The following ACTR3C variants were observed in gnomAD, a reference collection of about 807,000 sequenced individuals.
ACTR3C encodes the protein actin-related protein 3C.
In ACTR3C, 18 loss-of-function variants were observed where a neutral mutation model predicts 26.3. That is an observed-to-expected ratio of 0.68 (90% CI 0.47 to 1.01). The LOEUF (loss-of-function observed/expected upper bound fraction) is 1.01. Among genes scored for constraint, ACTR3C ranks in the 50% least tolerant of loss-of-function variants. ACTR3C has a pLI of 0.00. For synonymous variants in ACTR3C, 55 were observed against 94.5 expected (o/e 0.58, Z 2.42); for missense variants, 184 against 250.7 (o/e 0.73, Z 1.80).
chr7:150,188,371 A>AC, the ACTR3C span, among the ~76,000 whole-genome samples: 2 of 151,488 alleles, frequency 1.3e-5, no homozygotes. Flanking sequence ...GTAGGTGAAG[A>AC]CTTCAGTTGT....
intron 1 of ACTR3C, among the ~76,000 whole-genome samples, chr7:150,320,021 C>A (rs1348287378): frequency 2.0e-5 from 3 of 152,204 alleles, no homozygotes; most frequent in African/African-American, 7.2e-5. Flanking sequence ...GGTCTTTTGC[C>A]CTCTTTTGAG....
At chr7:150,203,855 C>T in the ACTR3C span, among the ~76,000 whole-genome samples, 2 of 152,186 alleles carry the variant, frequency 1.3e-5, no homozygotes, top group African/African-American at 4.8e-5. Context: ...GCATGAGCCA[C>T]CACACCACAC....
At chr7:150,038,810 C>A in the ACTR3C span, among the ~76,000 whole-genome samples, 1 of 141,366 alleles carries the variant, frequency 7.1e-6, no homozygotes, top group Non-Finnish European at 1.5e-5. Context: ...GGGGGTGCCT[C>A]CCCCCTCTGC....
chr7:150,229,114 C>T, the ACTR3C span, among the ~76,000 whole-genome samples: 5,445 of 152,092 alleles, frequency 0.036, 323 homozygotes, highest in African/African-American at 0.12. Context: ...GATAGACAGT[C>T]GTGTTATCTG....
the ACTR3C span, among the ~76,000 whole-genome samples, chr7:149,904,117 C>T: frequency 7.1e-6 from 1 of 140,862 alleles, no homozygotes; most frequent in Non-Finnish European, 1.6e-5. Context: ...GACAAGGTTT[C>T]ACCATGTTGG....
At chr7:150,203,310 A>G in the ACTR3C span, among the ~76,000 whole-genome samples, 1 of 152,252 alleles carries the variant, frequency 6.6e-6, no homozygotes, top group East Asian at 1.9e-4. Context: ...TTCCATAAGC[A>G]TGAGCACACA....
chr7:150,184,541 A>C, the ACTR3C span, among the ~76,000 whole-genome samples: 1 of 150,032 alleles, frequency 6.7e-6, no homozygotes, highest in Non-Finnish European at 1.5e-5. Flanking sequence ...AAACACTCAC[A>C]CCGCTAATGG....
At chr7:150,084,843 G>C in the ACTR3C span, among the ~76,000 whole-genome samples, 6 of 152,148 alleles carry the variant, frequency 3.9e-5, no homozygotes, top group Non-Finnish European at 7.4e-5. Flanking sequence ...GGGAGTGGAA[G>C]CAGGGACCTC....
intron 6 of ACTR3C, among the ~76,000 whole-genome samples, chr7:150,249,903 A>G (rs1242588296): frequency 2.6e-5 from 4 of 152,244 alleles, no homozygotes; most frequent in African/African-American, 7.2e-5. Flanking sequence ...AGGAAGGGTG[A>G]TCCTCCACTT....
chr7:149,920,820 G>A, the ACTR3C span, among the ~76,000 whole-genome samples: 145,800 of 151,720 alleles, frequency 0.96, 70,246 homozygotes, highest in East Asian at 1. Context: ...AGGCTGAAGT[G>A]CAATGTCATG....
the ACTR3C span, among the ~76,000 whole-genome samples, chr7:150,023,783 T>C: frequency 6.8e-6 from 1 of 147,378 alleles, no homozygotes; most frequent in Non-Finnish European, 1.5e-5. Flanking sequence ...TAAAGGTAAG[T>C]ATGGAAAAGT....
the ACTR3C span, among the ~76,000 whole-genome samples, chr7:150,093,323 A>G: frequency 3.3e-4 from 50 of 151,380 alleles, 3 homozygotes; most frequent in African/African-American, 1.1e-3. Flanking sequence ...TTTCAAGAAC[A>G]ACAAACTTTG....
chr7:150,052,370 TAC>T, the ACTR3C span, among the ~76,000 whole-genome samples: 13 of 152,136 alleles, frequency 8.5e-5, no homozygotes, highest in East Asian at 7.8e-4. Flanking sequence ...CACACACACA[TAC>T]ACACACACAC....
At chr7:150,182,919 C>G in the ACTR3C span, among the ~76,000 whole-genome samples, 1 of 150,914 alleles carries the variant, frequency 6.6e-6, no homozygotes. Context: ...ATCTTTTTAA[C>G]TATCATGTGA....
chr7:150,180,180 C>CTGTA, the ACTR3C span, among the ~76,000 whole-genome samples: 1 of 150,006 alleles, frequency 6.7e-6, no homozygotes, highest in Admixed American at 6.6e-5. Context: ...TCGTGGGCAC[C>CTGTA]TGTAGTCCCA....
At chr7:150,104,919 CCT>C in the ACTR3C span, among the ~76,000 whole-genome samples, 2 of 151,754 alleles carry the variant, frequency 1.3e-5, no homozygotes, top group Non-Finnish European at 2.9e-5. Context: ...GCTTTTATTC[CCT>C]CTCAGAATTA....
chr7:150,008,316 T>G, the ACTR3C span, among the ~76,000 whole-genome samples: 1 of 152,224 alleles, frequency 6.6e-6, no homozygotes, highest in African/African-American at 2.4e-5. Flanking sequence ...GCTCTGTGAC[T>G]TCCGGGCTGG....
the ACTR3C span, among the ~76,000 whole-genome samples, chr7:150,144,506 T>C: frequency 1.3e-5 from 2 of 152,006 alleles, no homozygotes; most frequent in Non-Finnish European, 2.9e-5. This position sits in a 1 kb window ranked among gnomAD's most constrained non-coding sequence, Gnocchi z 4.6. Context: ...ATGTAAACAA[T>C]TGAATAATAT....
chr7:150,290,342 G>A (rs1027092626), intron 3 of ACTR3C, among the ~76,000 whole-genome samples: 1 of 152,210 alleles, frequency 6.6e-6, no homozygotes, highest in East Asian at 1.9e-4. Flanking sequence ...GCAATGATGG[G>A]CCCAAAGCTC....
Sources: gnomAD v4.1 joint callset for allele counts (sites outside exome capture counted in the v4.1 genomes callset) on GRCh38, gnomAD v4.1.1 for gene constraint, Gnocchi (gnomAD v3.1) non-coding constraint, MANE v1.5 for transcripts, NCBI Gene and HGNC (gene_info 2026-07-23, HGNC 2026-07-21) for gene names.